HELLS: variants seen among roughly 807,000 people sequenced by gnomAD.
HELLS encodes the protein helicase, lymphoid specific.
In HELLS, 32 loss-of-function variants were observed where a neutral mutation model predicts 120.0. The observed-to-expected ratio is 0.27, with a 90% CI of 0.20 to 0.36. The LOEUF (loss-of-function observed/expected upper bound fraction) is 0.36, where lower values mean the gene tolerates loss of function less well. HELLS is among the 10% of genes least tolerant of loss of function. The pLI, the probability that HELLS is intolerant of heterozygous loss-of-function variation, is 1.00. For missense variants in HELLS, 650 were observed against 993.4 expected (o/e 0.65, Z 4.65); for synonymous variants, 341 against 323.4 (o/e 1.05, Z -0.58).
At chr10:94,603,847 T>C (rs1307668157), downstream of HELLS, among the ~76,000 whole-genome samples, 1 of 152,148 alleles carries the variant, frequency 6.6e-6, no homozygotes, top group Non-Finnish European at 1.5e-5. Flanking sequence ...TTTTCCCCTT[T>C]TTTTGAGTCT....
At chr10:94,564,353 C>G (rs74150823) in intron 6 of HELLS, among the ~76,000 whole-genome samples, 1,808 of 152,232 alleles carry the variant, frequency 0.012, 54 homozygotes, top group African/African-American at 0.042. Flanking sequence ...AAAGATGGTA[C>G]CAGCTCTTTG....
In HELLS at chr10:94,596,886, T is replaced by C; in HGVS notation, c.2275T>C (p.Leu759=). Residue 759 remains leucine (L), a synonymous_variant, in exon 20 of 22, where the codon TTA becomes CTA. Transcript: ENST00000348459. ...KNHFKGGQSG[L]NLSKNFLDPK... ...TCATTTCAAAGGTGGTCAGTCTGGA[T>C]TAAATCTGTCTAAGAATTTCTTAGA... is the stretch of plus-strand genomic sequence containing the variant. The C allele has an allele frequency of 6.6e-7, 1 of 1,504,378 alleles. No homozygotes were observed. Among genetic ancestry groups the C allele is most frequent in the Non-Finnish European group, 9.2e-7 (1 of 1,082,146 alleles). The allele number at this position is 1,504,378 out of a possible 1,614,324, so 93.2% of individuals were successfully genotyped here. A position where few individuals can be genotyped will look rare whatever the true frequency, so the allele number is the denominator to read the frequency against.
At chr10:94,562,262 G>A (rs1843595631) in intron 4 of HELLS, among the ~76,000 whole-genome samples, 1 of 152,050 alleles carries the variant, frequency 6.6e-6, no homozygotes, top group Non-Finnish European at 1.5e-5. Flanking sequence ...AATTAGCCGG[G>A]CGTGGTGGCA....
downstream of HELLS, among the ~76,000 whole-genome samples, chr10:94,604,125 T>C (rs958130474): frequency 3.1e-3 from 249 of 79,682 alleles, 2 homozygotes; most frequent in African/African-American, 0.01. Flanking sequence ...CACATCTGGC[T>C]TTTTTTTTTT....
intron 6 of HELLS, among the ~76,000 whole-genome samples, chr10:94,565,048 G>A (rs905332735): frequency 2.0e-5 from 3 of 152,020 alleles, no homozygotes; most frequent in African/African-American, 4.8e-5. Context: ...AAAAATAATC[G>A]TCAGGGGGCC....
chr10:94,584,057 A>G, intron 12 of HELLS: 1 of 1,315,676 alleles, frequency 7.6e-7, no homozygotes, highest in Non-Finnish European at 1.0e-6. Flanking sequence ...ATTGCCCTCC[A>G]GAAAAGATTT....
rs533043311 is a variant in HELLS at position 94,565,058 on chromosome 10, C to T, written c.435+2182C>T. On this transcript the variant is annotated intron_variant, in intron 6 of 21. Coordinates refer to ENST00000348459, the MANE Select transcript of HELLS (RefSeq NM_018063.5). ...CACTGAAAAATAATCGTCAGGGGGCCGGGAGCAGTGGCTCACGCCTGTAAT... is the reference window on the plus strand; with the variant it reads ...CACTGAAAAATAATCGTCAGGGGGCTGGGAGCAGTGGCTCACGCCTGTAAT... Among the ~76,000 whole-genome samples the T allele has an allele frequency of 5.3e-5, 8 of 152,240 alleles. 1 individual carries two copies. The highest frequency in any genetic ancestry group is 3.9e-4 in the Admixed American group (6 of 15,276).
At chr10:94,605,240 G>A (rs1281521132), downstream of HELLS, among the ~76,000 whole-genome samples, 1 of 151,756 alleles carries the variant, frequency 6.6e-6, no homozygotes, top group Non-Finnish European at 1.5e-5. Context: ...CCACCACCAT[G>A]CCCAGCTAAT....
chr10:94,567,282 C>G (rs576606842), intron 6 of HELLS, among the ~76,000 whole-genome samples: 1 of 152,146 alleles, frequency 6.6e-6, no homozygotes, highest in Non-Finnish European at 1.5e-5. Context: ...CTAGATTGCC[C>G]TGTTTTTTAT....
intron 7 of HELLS, 106 bp downstream of exon 7, chr10:94,571,535 G>T: frequency 7.8e-6 from 7 of 894,714 alleles, no homozygotes; most frequent in East Asian, 3.2e-5. Flanking sequence ...CTATTATCCT[G>T]TTTCTTTGCT....
chr10:94,597,145 G>A (rs1175628696), intron 21 of HELLS, 34 bp downstream of exon 21: 7 of 1,195,872 alleles, frequency 5.9e-6, no homozygotes, highest in Non-Finnish European at 8.7e-6. Flanking sequence ...TGGAAGCTTC[G>A]AAACATACAC....
Position 94,581,389 on chromosome 10 carries a change from C to G in HELLS, c.1096C>G (p.Leu366Val). The change falls in exon 11 of 22, where the codon CTA becomes GTA. Residue 366 changes from leucine to valine, a missense_variant. By Grantham distance (32) the Leu-to-Val change is conservative. Around this residue, in one of 9 missense-constraint regions of HELLS, gnomAD observed 48 missense variants for 127.0 expected, o/e 0.38. Transcript: ENST00000348459. ...GHRIKNMKCRLIRELKRFNAD... is the reference protein window; with the variant it reads ...GHRIKNMKCRVIRELKRFNAD... Reference sequence around the variant, plus strand: ...CAGGATTAAGAATATGAAGTGCCGTCTAATCAGGGAGTTAAAACGATTCAA... The same window carrying G: ...CAGGATTAAGAATATGAAGTGCCGTGTAATCAGGGAGTTAAAACGATTCAA... 6.2e-7 allele frequency: 1 copy of G among 1,611,364 alleles called. No individual in the cohort carries two copies. Among genetic ancestry groups the G allele is most frequent in the Non-Finnish European group, 8.5e-7 (1 of 1,178,122 alleles).
At chr10:94,564,237 G>C (rs1287699038) in intron 6 of HELLS, among the ~76,000 whole-genome samples, 2 of 152,182 alleles carry the variant, frequency 1.3e-5, no homozygotes, top group Non-Finnish European at 2.9e-5. Flanking sequence ...GAAACAACAG[G>C]CATGGGCATA....
chr10:94,546,428 C>T lies in HELLS; in HGVS notation c.83C>T (p.Pro28Leu). 6.2e-7 allele frequency: 1 copy of T among 1,614,050 alleles called. No homozygotes were observed. The highest frequency in any genetic ancestry group is 8.5e-7 in the Non-Finnish European group (1 of 1,179,966). ...VEQLDTAVIT[P>L]AMLEEEEQLE... Reference sequence around the variant, plus strand: ...CAACTGGACACTGCTGTGATTACCCCGGCCATGCTAGAAGAGGAAGAACAG... The same window carrying T: ...CAACTGGACACTGCTGTGATTACCCTGGCCATGCTAGAAGAGGAAGAACAG... The change falls in exon 2 of 22, where the codon CCG becomes CTG. Residue 28 changes from proline to leucine, a missense_variant. Coordinates refer to ENST00000348459, the MANE Select transcript of HELLS (RefSeq NM_018063.5).
At chr10:94,546,061 C>T (rs560349719) in intron 1 of HELLS, 109 bp downstream of exon 1, 2 of 1,290,290 alleles carry the variant, frequency 1.6e-6, no homozygotes, top group South Asian at 2.6e-5. Flanking sequence ...CGGGCAGGGA[C>T]TGAGGAGGAA....
Position 94,594,697 on chromosome 10 carries a change from C to T in HELLS, c.2091C>T (p.Asn697=), listed in dbSNP as rs1473532539. 6.9e-6 allele frequency: 11 copies of T among 1,601,246 alleles called. No homozygotes were observed. Among genetic ancestry groups the T allele is most frequent in the Admixed American group, 3.5e-5 (2 of 56,624 alleles). The change falls in exon 19 of 22, where the codon AAC becomes AAT. Residue 697 remains asparagine (N), a splice_region_variant and synonymous_variant. Coordinates refer to ENST00000348459, the MANE Select transcript of HELLS (RefSeq NM_018063.5). ...TTATTTTTCTTTTTAACTTTAAGAACCCCCAGTCGGATCTTCAGGCCCAGG... is the reference window on the plus strand; with the variant it reads ...TTATTTTTCTTTTTAACTTTAAGAATCCCCAGTCGGATCTTCAGGCCCAGG... ...DTVIIYDSDW[N]PQSDLQAQDR...
At chr10:94,562,546 C>A (rs928526922) in intron 4 of HELLS, 145 bp from the exon 5 acceptor site, 12 of 525,958 alleles carry the variant, frequency 2.3e-5, no homozygotes, top group African/African-American at 1.6e-4. Context: ...AAAAATATTA[C>A]ATGTAGGTAA....
intron 11 of HELLS, among the ~76,000 whole-genome samples, chr10:94,582,333 A>C (rs1387388058): frequency 6.6e-6 from 1 of 152,218 alleles, no homozygotes; most frequent in Non-Finnish European, 1.5e-5. Flanking sequence ...GTGTCAAGGT[A>C]GGAGTTGAGA....
chr10:94,584,915 A>AT (rs1845046868), intron 12 of HELLS, among the ~76,000 whole-genome samples: 1 of 152,268 alleles, frequency 6.6e-6, no homozygotes, highest in East Asian at 1.9e-4. Context: ...ATTTGAGTTT[A>AT]TATTACTTTT....
Sources: allele counts gnomAD v4.1 joint callset (sites outside exome capture counted in the v4.1 genomes callset), GRCh38; gene constraint gnomAD v4.1.1; regional missense constraint gnomAD v4.1.1; transcripts MANE v1.5; gene names NCBI Gene and HGNC (gene_info 2026-07-23, HGNC 2026-07-21).